ARID5B: variants seen among roughly 807,000 people sequenced by gnomAD.
ARID5B encodes AT-rich interactive domain-containing protein 5B.
A neutral mutation model predicts 97.2 loss-of-function variants in ARID5B; 13 were observed. The observed-to-expected ratio is 0.13, with a 90% CI of 0.09 to 0.21. The LOEUF is 0.21. ARID5B is among the 10% of genes least tolerant of loss of function. The pLI, the probability that ARID5B is intolerant of heterozygous loss-of-function variation, is 1.00. For synonymous variants in ARID5B, 556 were observed against 570.3 expected, an observed-to-expected ratio of 0.97 and a Z score of 0.36; for missense variants, 1,210 against 1,465.3, an observed-to-expected ratio of 0.83 and a Z score of 2.84.
At chr10:62,024,857 C>T (rs558422008) in intron 4 of ARID5B, 5 of 362,576 alleles carry the variant, frequency 1.4e-5, no homozygotes, top group African/African-American at 6.2e-5. Context: ...TTTAAAATAT[C>T]GAGAATGGCT....
intron 2 of ARID5B, among the ~76,000 whole-genome samples, chr10:61,907,478 T>C (rs566941799): frequency 1.3e-5 from 2 of 152,350 alleles, no homozygotes; most frequent in African/African-American, 4.8e-5. Flanking sequence ...TTTAATGGCC[T>C]CAACTGTGCT....
rs1840358993 is a variant in ARID5B at position 62,090,891 on chromosome 10, G to C, written c.1428G>C (p.Glu476Asp). ...EVSSEQEKEQ[E>D]TLISQKSIPE... Reference sequence around the variant, plus strand: ...CATCAGAGCAAGAAAAAGAACAAGAGACTTTAATAAGCCAGAAAAGCATCC... The same window carrying C: ...CATCAGAGCAAGAAAAAGAACAAGACACTTTAATAAGCCAGAAAAGCATCC... Residue 476 changes from glutamate (E) to aspartate (D), a missense_variant, in exon 10 of 10, where the codon GAG becomes GAC. By Grantham distance (45) the Glu-to-Asp change is conservative. Transcript: ENST00000279873. 1 of 1,591,882 alleles carries C rather than the reference G, an allele frequency of 6.3e-7. No homozygotes were observed. Among genetic ancestry groups the C allele is most frequent in the Non-Finnish European group, 8.5e-7 (1 of 1,174,170 alleles).
At chr10:61,958,164 G>T (rs766775908) in intron 3 of ARID5B, among the ~76,000 whole-genome samples, 2 of 152,204 alleles carry the variant, frequency 1.3e-5, no homozygotes, top group Non-Finnish European at 2.9e-5. Context: ...AGTGTTCCAG[G>T]AGCTTGGATG....
At chr10:61,968,883 A>G (rs1406521644) in intron 3 of ARID5B, among the ~76,000 whole-genome samples, 15 of 152,224 alleles carry the variant, frequency 9.9e-5, no homozygotes, top group Admixed American at 9.8e-4. Flanking sequence ...TTCTATTTAT[A>G]GGCTCCATAT....
chr10:62,013,112 T>A (rs1839237735), intron 4 of ARID5B, among the ~76,000 whole-genome samples: 3 of 152,296 alleles, frequency 2.0e-5, no homozygotes, highest in Middle Eastern at 3.4e-3. Flanking sequence ...GTGCTCAGAA[T>A]GAAGATCCAG....
At position 61,974,086 on chromosome 10, in the gene ARID5B, T is replaced by G. The variant is rs534930399; in HGVS notation, c.503-26005T>G. 1.2e-4 allele frequency among the ~76,000 whole-genome samples: 19 copies of G among 152,326 alleles called. No homozygotes were observed. In the South Asian group the frequency reaches 3.7e-3, roughly 30 times the overall value. ...TTTAACATATAAGAACACATGAAAC[T>G]TTGGCTAAATTTAGCCTCTGGAGTC... is the stretch of plus-strand genomic sequence containing the variant. On this transcript the variant is annotated intron_variant, in intron 3 of 9. Coordinates refer to ENST00000279873, the MANE Select transcript of ARID5B (RefSeq NM_032199.3).
In ARID5B at chr10:61,996,895, A is replaced by ATAT. The variant is rs1554843347; in HGVS notation, c.503-3196_503-3195insTAT. 3.5e-3 allele frequency among the ~76,000 whole-genome samples: 518 copies of ATAT among 146,186 alleles called. 6 individuals carry two copies. Among genetic ancestry groups the ATAT allele is most frequent in the African/African-American group, 0.012 (471 of 39,904 alleles). On this transcript the variant is annotated intron_variant, in intron 3 of 9. Coordinates refer to ENST00000279873, the MANE Select transcript of ARID5B (RefSeq NM_032199.3). ...AAAAGTCTGACAACTGAAAAAAAAA[A>ATAT]ATATATATATATATATATTTCAAAA...
At chr10:61,922,017 TAC>T (rs762434420) in intron 2 of ARID5B, among the ~76,000 whole-genome samples, 1 of 152,112 alleles carries the variant, frequency 6.6e-6, no homozygotes, top group Non-Finnish European at 1.5e-5. Context: ...AATTTTTTGA[TAC>T]AGTCTCCTTG....
At chr10:61,999,908 G>A (rs1404057596) in intron 3 of ARID5B, among the ~76,000 whole-genome samples, 183 bp from the exon 4 acceptor site, 1 of 152,146 alleles carries the variant, frequency 6.6e-6, no homozygotes, top group African/African-American at 2.4e-5. Context: ...GTAGCCTGAA[G>A]CGTATTCTGT....
intron 4 of ARID5B, among the ~76,000 whole-genome samples, chr10:62,006,637 A>T (rs1038389597): frequency 5.3e-5 from 8 of 152,232 alleles, no homozygotes; most frequent in Non-Finnish European, 4.4e-5. Flanking sequence ...AATGATTAAA[A>T]GATGGACTCA....
At chr10:62,035,315 C>T (rs1839548111) in intron 4 of ARID5B, among the ~76,000 whole-genome samples, 1 of 152,100 alleles carries the variant, frequency 6.6e-6, no homozygotes, top group African/African-American at 2.4e-5. Context: ...CAAAACATGA[C>T]ACAGAGGGAG....
intron 3 of ARID5B, among the ~76,000 whole-genome samples, chr10:61,998,603 A>G (rs1241492335): frequency 6.6e-6 from 1 of 152,362 alleles, no homozygotes; most frequent in Admixed American, 6.5e-5. Flanking sequence ...TGAGGTGTAA[A>G]TAAGCATTAA....
intron 5 of ARID5B, among the ~76,000 whole-genome samples, chr10:62,052,470 G>A (rs987636916): frequency 1.3e-5 from 2 of 152,168 alleles, no homozygotes; most frequent in African/African-American, 4.8e-5. Context: ...ATCCTTCTTG[G>A]TTGACAGCAT....
intron 2 of ARID5B, among the ~76,000 whole-genome samples, chr10:61,931,728 G>A (rs1589223972): frequency 6.6e-6 from 1 of 152,158 alleles, no homozygotes; most frequent in Non-Finnish European, 1.5e-5. Context: ...AGCACCTGAA[G>A]AAGATGTTTG....
chr10:61,928,869 A>T (rs953401333), intron 2 of ARID5B, among the ~76,000 whole-genome samples: 8 of 152,216 alleles, frequency 5.3e-5, no homozygotes, highest in Non-Finnish European at 8.8e-5. Flanking sequence ...CATTAGCAGA[A>T]TACACTAATG....
At chr10:61,952,789 C>T (rs778584485) in intron 3 of ARID5B, among the ~76,000 whole-genome samples, 1 of 152,006 alleles carries the variant, frequency 6.6e-6, no homozygotes, top group Non-Finnish European at 1.5e-5. Flanking sequence ...TGAGAGATCA[C>T]GTGAACATGC....
intron 7 of ARID5B, among the ~76,000 whole-genome samples, chr10:62,068,919 C>T (rs926470199): frequency 3.9e-5 from 6 of 152,206 alleles, no homozygotes; most frequent in African/African-American, 1.4e-4. Context: ...CAGTATATTA[C>T]AAGCTGTTTG....
intron 3 of ARID5B, among the ~76,000 whole-genome samples, chr10:61,946,212 T>A (rs1304606269): frequency 6.6e-6 from 1 of 152,030 alleles, no homozygotes; most frequent in African/African-American, 2.4e-5. Flanking sequence ...GCTTGGAGAT[T>A]CTGGAGGCCT....
At chr10:61,931,414 A>G (rs1306709316) in intron 2 of ARID5B, among the ~76,000 whole-genome samples, 1 of 152,222 alleles carries the variant, frequency 6.6e-6, no homozygotes, top group Non-Finnish European at 1.5e-5. Flanking sequence ...TTAGAACAGA[A>G]CATAGGAGAA....
Sources: gnomAD v4.1 joint callset for allele counts (sites outside exome capture counted in the v4.1 genomes callset) on GRCh38, gnomAD v4.1.1 for gene constraint, MANE v1.5 for transcripts, NCBI Gene and HGNC (gene_info 2026-07-23, HGNC 2026-07-21) for gene names.